SEL1L3: variants seen among roughly 807,000 people sequenced by gnomAD.
SEL1L3 encodes protein sel-1 homolog 3.
A neutral mutation model predicts 142.8 loss-of-function variants in SEL1L3; 76 were observed. The ratio of observed to expected loss-of-function variants is 0.53; its 90% confidence interval spans 0.44 to 0.64. SEL1L3 has a LOEUF of 0.64. Ranked by LOEUF, SEL1L3 falls within the 30% of genes least tolerant of loss-of-function variation. The pLI, the probability that SEL1L3 is intolerant of heterozygous loss-of-function variation, is 0.00. For synonymous variants in SEL1L3, 504 were observed against 519.6 expected (o/e 0.97, Z 0.41); for missense variants, 1,262 against 1,381.7 (o/e 0.91, Z 1.37).
intron 23 of SEL1L3, 90 bp from the exon 24 acceptor site, chr4:25,748,654 A>G: frequency 1.5e-6 from 2 of 1,379,050 alleles, no homozygotes; most frequent in Admixed American, 4.3e-5. Context: ...GCAAGCCAGG[A>G]GAGATGCATC....
intron 20 of SEL1L3, 25 bp from the exon 21 acceptor site, chr4:25,759,093 T>G: frequency 1.2e-6 from 2 of 1,607,788 alleles, no homozygotes; most frequent in Non-Finnish European, 1.7e-6. Flanking sequence ...CAAACCAAAC[T>G]CATCAAATCC....
Position 25,819,952 on chromosome 4 carries a change from C to A in SEL1L3, c.1291-12G>T. On this transcript the variant is annotated splice_polypyrimidine_tract_variant and intron_variant, in intron 7 of 23. Coordinates refer to ENST00000399878, the MANE Select transcript of SEL1L3 (RefSeq NM_015187.5). ...AGGGGATTAAAAATCTACAAGAAGG[C>A]AAGAAAGTCAAATGAACAACAATTG... 1.2e-6 allele frequency: 2 copies of A among 1,605,286 alleles called. No homozygotes were observed. The highest frequency in any genetic ancestry group is 1.7e-4 in the Middle Eastern group (1 of 6,050).
intron 9 of SEL1L3, among the ~76,000 whole-genome samples, chr4:25,814,395 T>A (rs970842741): frequency 2.6e-5 from 4 of 152,210 alleles, no homozygotes; most frequent in African/African-American, 9.6e-5. Context: ...AAATTCCTTA[T>A]CTTTGTTACC....
At chr4:25,742,689 A>C (rs1299809251), downstream of SEL1L3, among the ~76,000 whole-genome samples, 2 of 143,900 alleles carry the variant, frequency 1.4e-5, no homozygotes, top group African/African-American at 2.7e-5. Context: ...CATTACTGTA[A>C]ATGAAATCTT....
chr4:25,811,754 T>C (rs1560321800), intron 9 of SEL1L3, among the ~76,000 whole-genome samples: 1 of 147,410 alleles, frequency 6.8e-6, no homozygotes, highest in African/African-American at 2.6e-5. Flanking sequence ...TCCTGTTTTT[T>C]TTTTTTTTTT....
intron 17 of SEL1L3, among the ~76,000 whole-genome samples, chr4:25,774,880 G>A (rs577546660): frequency 2.0e-5 from 3 of 151,772 alleles, no homozygotes; most frequent in African/African-American, 7.2e-5. Flanking sequence ...AGGCAAGAAA[G>A]CTAAGGAACT....
intron 10 of SEL1L3, 69 bp downstream of exon 10, chr4:25,804,472 G>C (rs1713413612): frequency 8.7e-7 from 1 of 1,148,866 alleles, no homozygotes; most frequent in Non-Finnish European, 1.3e-6. Flanking sequence ...TTCTACCAGG[G>C]GCACGAGAGC....
At chr4:25,714,510 TTCTTTCTTTC>T in the SEL1L3 span, among the ~76,000 whole-genome samples, 4 of 58,980 alleles carry the variant, frequency 6.8e-5, no homozygotes, top group Admixed American at 5.0e-4. Context: ...TTTTCTTTCT[TTCTTTCTTTC>T]TTTCTTTCTT....
chr4:25,859,497 G>A (rs768495488), intron 1 of SEL1L3, among the ~76,000 whole-genome samples: 2 of 152,198 alleles, frequency 1.3e-5, no homozygotes, highest in African/African-American at 4.8e-5. Context: ...GGAGACGGAA[G>A]GCACCCACTC....
chr4:25,863,345 T>C (rs1212833640), upstream of SEL1L3: 3 of 410,202 alleles, frequency 7.3e-6, no homozygotes, highest in East Asian at 6.0e-5. Context: ...CCAAACCCCC[T>C]CTCTTTTTCA....
chr4:25,769,062 C>T (rs906068922), intron 17 of SEL1L3, among the ~76,000 whole-genome samples: 2 of 151,958 alleles, frequency 1.3e-5, no homozygotes, highest in African/African-American at 4.8e-5. Flanking sequence ...GAGTAAAACT[C>T]TATTTTATCC....
chr4:25,718,929 C>G, the SEL1L3 span: 1 of 152,380 alleles, frequency 6.6e-6, no homozygotes, highest in African/African-American at 2.4e-5. Context: ...GTAATCCCAG[C>G]ACTTTGGGAG....
intron 13 of SEL1L3, among the ~76,000 whole-genome samples, chr4:25,785,621 T>C (rs766718749): frequency 3.3e-5 from 5 of 151,996 alleles, no homozygotes; most frequent in Non-Finnish European, 7.4e-5. Flanking sequence ...TGAAGCAAAG[T>C]GGAAGATGAA....
intron 15 of SEL1L3, among the ~76,000 whole-genome samples, chr4:25,780,936 C>A (rs776522917): frequency 6.6e-6 from 1 of 151,386 alleles, no homozygotes; most frequent in Non-Finnish European, 1.5e-5. Context: ...AGTGATTCTC[C>A]TGCCTCAGCC....
At chr4:25,768,123 A>T (rs1718886323) in intron 17 of SEL1L3, among the ~76,000 whole-genome samples, 1 of 152,212 alleles carries the variant, frequency 6.6e-6, no homozygotes, top group African/African-American at 2.4e-5. Flanking sequence ...ACTAGCCTTC[A>T]GTTCTTGAAT....
chr4:25,804,988 T>A (rs1182614473), intron 9 of SEL1L3, among the ~76,000 whole-genome samples: 1 of 152,210 alleles, frequency 6.6e-6, no homozygotes, highest in Non-Finnish European at 1.5e-5. Context: ...CCTGGGGAAA[T>A]GATGTGCTGT....
At chr4:25,862,620 C>T in intron 1 of SEL1L3, 55 bp downstream of exon 1, 3 of 1,045,836 alleles carry the variant, frequency 2.9e-6, no homozygotes, top group Non-Finnish European at 3.6e-6. Flanking sequence ...CGCCCCCACC[C>T]GCGTCCCCGG....
chr4:25,816,370 C>T (rs546467616), intron 9 of SEL1L3, among the ~76,000 whole-genome samples: 1 of 152,116 alleles, frequency 6.6e-6, no homozygotes, highest in East Asian at 1.9e-4. Flanking sequence ...AAATTGGACC[C>T]AGGCCAGCTG....
chr4:25,831,999 G>A (rs78906933), intron 5 of SEL1L3, among the ~76,000 whole-genome samples: 7,547 of 152,168 alleles, frequency 0.05, 623 homozygotes, highest in African/African-American at 0.17. Context: ...GACCTTCTCC[G>A]TAAGAGAAAG....
Sources: gnomAD v4.1 joint callset for allele counts (sites outside exome capture counted in the v4.1 genomes callset) on GRCh38, gnomAD v4.1.1 for gene constraint, MANE v1.5 for transcripts, NCBI Gene and HGNC (gene_info 2026-07-23, HGNC 2026-07-21) for gene names.